STAB2: variants seen among roughly 807,000 people sequenced by gnomAD.
STAB2 encodes the protein stabilin 2, also known as stabilin-2.
STAB2 carries 288 observed loss-of-function variants against 338.1 expected under a neutral mutation model. That is an observed-to-expected ratio of 0.85 (90% CI 0.77 to 0.94). STAB2 has a LOEUF of 0.94. STAB2 is among the 40% of genes least tolerant of loss of function. STAB2 has a pLI of 0.00. For synonymous variants in STAB2, 1,202 were observed against 1,193.3 expected (o/e 1.01, Z -0.15); for missense variants, 3,141 against 3,210.1 (o/e 0.98, Z 0.52).
In STAB2 at chr12:103,655,541, ACAT is replaced by A. The variant is rs773155504; in HGVS notation, c.1695_1697del (p.Asn565_Met566delinsLys). 5.6e-6 allele frequency: 9 copies of A among 1,614,038 alleles called. No individual in the cohort carries two copies. Among genetic ancestry groups the A allele is most frequent in the Non-Finnish European group, 7.6e-6 (9 of 1,180,020 alleles). ...GTTCCAAATAATGAAGCATTGAATA[ACAT>A]GAAGGACGGCACTCTCGATTACCTC... On this transcript the variant is annotated inframe_deletion, in exon 15 of 69. Coordinates refer to ENST00000388887, the MANE Select transcript of STAB2 (RefSeq NM_017564.10).
chr12:103,763,544 T>C lies in STAB2; in HGVS notation c.7541T>C (p.Ile2514Thr). 6.2e-7 allele frequency: 1 copy of C among 1,614,046 alleles called. No homozygotes were observed. The highest frequency in any genetic ancestry group is 1.1e-5 in the South Asian group (1 of 91,076). The change falls in exon 68 of 69, where the codon ATC becomes ACC. Residue 2514 changes from isoleucine to threonine, a missense_variant. By Grantham distance (89) the Ile-to-Thr change is moderately conservative. Coordinates refer to ENST00000388887, the MANE Select transcript of STAB2 (RefSeq NM_017564.10). ...AALGKQQPEN[I>T]SNPLYESTTS... ...CTTGGCAAGCAGCAGCCTGAGAATA[T>C]CTCGAACCCCTTGTATGAGAGCACA...
At chr12:103,766,063 C>T (rs1333038508) in intron 68 of STAB2, 2 of 678,586 alleles carry the variant, frequency 2.9e-6, no homozygotes, top group Non-Finnish European at 5.4e-6. Context: ...GATGATTTGT[C>T]TTGGGCCACC....
intron 11 of STAB2, among the ~76,000 whole-genome samples, chr12:103,651,994 C>T (rs999842290): frequency 2.0e-5 from 3 of 152,194 alleles, no homozygotes; most frequent in African/African-American, 7.2e-5. Flanking sequence ...CTAGGCTAGG[C>T]ACTTTGCACG....
At chr12:103,693,617 G>GAGCATT (rs1878145477) in intron 31 of STAB2, among the ~76,000 whole-genome samples, 1 of 152,086 alleles carries the variant, frequency 6.6e-6, no homozygotes, top group African/African-American at 2.4e-5. Context: ...AAGGAAAAAA[G>GAGCATT]TGGAAAAGAA....
Position 103,688,235 on chromosome 12 carries a change from C to T in STAB2, c.3045+20C>T. On this transcript the variant is annotated intron_variant, in intron 28 of 68. Coordinates refer to ENST00000388887, the MANE Select transcript of STAB2 (RefSeq NM_017564.10). ...ATAAATGTGAGTACCTTTATTGGGACTTAGGATTGGGAATGTATATATTTT... is the reference window on the plus strand; with the variant it reads ...ATAAATGTGAGTACCTTTATTGGGATTTAGGATTGGGAATGTATATATTTT... The T allele has an allele frequency of 6.2e-7, 1 of 1,611,118 alleles. No individual in the cohort carries two copies. Among genetic ancestry groups the T allele is most frequent in the Non-Finnish European group, 8.5e-7 (1 of 1,177,410 alleles).
intron 53 of STAB2, 110 bp from the exon 54 acceptor site, chr12:103,739,301 CA>C (rs1882388003): frequency 2.0e-6 from 2 of 998,934 alleles, no homozygotes. Flanking sequence ...TGATCATAGC[CA>C]GAGTCTTAAG....
intron 12 of STAB2, 53 bp from the exon 13 acceptor site, chr12:103,654,502 G>A: frequency 1.3e-6 from 2 of 1,560,090 alleles, no homozygotes; most frequent in Non-Finnish European, 1.7e-6. Flanking sequence ...TCCAGTGCTT[G>A]CTCCTTCCAG....
At chr12:103,683,837 T>C (rs546548257) in intron 26 of STAB2, among the ~76,000 whole-genome samples, 4 of 152,336 alleles carry the variant, frequency 2.6e-5, no homozygotes, top group African/African-American at 9.6e-5. Context: ...GGGGTGGTTA[T>C]GCTTTCAAAA....
chr12:103,712,327 G>A, intron 40 of STAB2, 40 bp from the exon 41 acceptor site: 1 of 1,502,212 alleles, frequency 6.7e-7, no homozygotes, highest in Non-Finnish European at 9.3e-7. Flanking sequence ...GGGAGGTGGA[G>A]TATTTTTCTA....
chr12:103,619,853 A>T (rs1957271066), intron 3 of STAB2, among the ~76,000 whole-genome samples: 1 of 149,696 alleles, frequency 6.7e-6, no homozygotes, highest in Non-Finnish European at 1.5e-5. Context: ...TTACAATTCC[A>T]AGACCTTGTA....
At chr12:103,647,432 C>T (rs1203946823) in intron 9 of STAB2, among the ~76,000 whole-genome samples, 1 of 152,158 alleles carries the variant, frequency 6.6e-6, no homozygotes, top group African/African-American at 2.4e-5. Flanking sequence ...AGTCACAGCA[C>T]ATCTTTTGTT....
intron 15 of STAB2, 48 bp downstream of exon 15, chr12:103,655,629 T>TAAA (rs1356826593): frequency 6.2e-7 from 1 of 1,604,520 alleles, no homozygotes; most frequent in Admixed American, 1.7e-5. Flanking sequence ...CAGCACTGCC[T>TAAA]CAGTCTGTGT....
intron 28 of STAB2, among the ~76,000 whole-genome samples, chr12:103,688,908 C>G (rs1877673554): frequency 3.3e-5 from 5 of 152,196 alleles, no homozygotes; most frequent in Admixed American, 3.3e-4. Flanking sequence ...CACATTTTTC[C>G]TAACTCCACT....
At chr12:103,629,326 C>T (rs2138659577) in intron 5 of STAB2, among the ~76,000 whole-genome samples, 1 of 152,300 alleles carries the variant, frequency 6.6e-6, no homozygotes, top group South Asian at 2.1e-4. Flanking sequence ...CAATGGACAA[C>T]CATGAGAATT....
intron 51 of STAB2, among the ~76,000 whole-genome samples, chr12:103,733,742 C>A (rs180945948): frequency 2.0e-5 from 3 of 151,998 alleles, no homozygotes; most frequent in Non-Finnish European, 2.9e-5. Context: ...TAGGAATAAG[C>A]ATGATCATAT....
chr12:103,614,359 G>A (rs1281158859), intron 3 of STAB2, among the ~76,000 whole-genome samples: 1 of 152,220 alleles, frequency 6.6e-6, no homozygotes, highest in East Asian at 1.9e-4. Flanking sequence ...TGGTGGATAA[G>A]TTTACAGAAT....
chr12:103,726,814 TAGA>T (rs1249567003), intron 46 of STAB2, among the ~76,000 whole-genome samples: 3 of 152,272 alleles, frequency 2.0e-5, no homozygotes, highest in Admixed American at 6.5e-5. Context: ...CATTAAAAAC[TAGA>T]AGAAAATATG....
chr12:103,718,236 C>T (rs1476328976), intron 44 of STAB2, among the ~76,000 whole-genome samples: 9 of 152,138 alleles, frequency 5.9e-5, no homozygotes, highest in Non-Finnish European at 7.4e-5. Flanking sequence ...GAATCCACAG[C>T]GAGCGCACTA....
rs924460421 is a variant in STAB2, at chr12:103,678,401, C to G, written c.2805+790C>G. On this transcript the variant is annotated intron_variant, in intron 25 of 68. Transcript: ENST00000388887. ...CGAGCCTTTTGGTTCTCAGACCTCT[C>G]ATTTCTGTGCACAAGTTAATAATCG... is the stretch of plus-strand genomic sequence containing the variant. Among the ~76,000 whole-genome samples, 3 of 152,228 alleles carry G rather than the reference C, an allele frequency of 2.0e-5. No homozygotes were observed. In the East Asian group the frequency reaches 5.8e-4, roughly 29 times the overall value.
Sources: gnomAD v4.1 joint callset for allele counts (sites outside exome capture counted in the v4.1 genomes callset) on GRCh38, gnomAD v4.1.1 for gene constraint, MANE v1.5 for transcripts, NCBI Gene and HGNC (gene_info 2026-07-23, HGNC 2026-07-21) for gene names.